KIRREL3: variants seen among roughly 807,000 people sequenced by gnomAD.
KIRREL3 encodes kirre like nephrin family adhesion molecule 3, also known as kin of IRRE-like protein 3.
Under a neutral mutation model 89.7 loss-of-function variants are expected in KIRREL3, and 36 were observed. The observed-to-expected ratio is 0.40, with a 90% CI of 0.31 to 0.53. The LOEUF is 0.53. Ranked by LOEUF, KIRREL3 falls within the 20% of genes least tolerant of loss-of-function variation. The pLI is 0.49. For missense variants in KIRREL3, 864 were observed against 1,056.6 expected (o/e 0.82, Z 2.53); for synonymous variants, 445 against 441.4 (o/e 1.01, Z -0.10).
intron 1 of KIRREL3, among the ~76,000 whole-genome samples, chr11:126,889,466 A>G (rs112191238): frequency 0.014 from 2,177 of 152,240 alleles, 51 homozygotes; most frequent in African/African-American, 0.046. Context: ...TTTTGGTTTG[A>G]TGTCCAATGA....
rs184283491 is a variant in KIRREL3 at position 126,692,935 on chromosome 11, C to T, written c.56-130023G>A. ...TTCCCATCCCTTGGATCTGAGCTGG[C>T]CTGGTGACTTGCTTTGGCCCATAGC... On this transcript the variant is annotated intron_variant, in intron 1 of 16. Coordinates refer to ENST00000525144, the MANE Select transcript of KIRREL3 (RefSeq NM_032531.4). Among the ~76,000 whole-genome samples, 600 of 152,330 alleles carry T rather than the reference C, an allele frequency of 3.9e-3. 5 individuals are homozygous for T. The highest frequency in any genetic ancestry group is 0.014 in the African/African-American group (579 of 41,574).
intron 2 of KIRREL3, among the ~76,000 whole-genome samples, chr11:126,529,621 C>A (rs1039468685): frequency 3.0e-5 from 4 of 132,596 alleles, no homozygotes; most frequent in Admixed American, 2.3e-4. Flanking sequence ...AAAAAAAAGA[C>A]CTTCCTAGAG....
At chr11:126,457,593 G>A (rs1956414078) in intron 6 of KIRREL3, among the ~76,000 whole-genome samples, 1 of 152,028 alleles carries the variant, frequency 6.6e-6, no homozygotes, top group Admixed American at 6.6e-5. Context: ...TGGGCAGAGA[G>A]ACAGAAAGAC....
chr11:126,863,621 GT>G (rs1944818886), intron 1 of KIRREL3, among the ~76,000 whole-genome samples: 1 of 47,746 alleles, frequency 2.1e-5, no homozygotes, highest in Non-Finnish European at 4.6e-5. Context: ...GTGCGTGTGT[GT>G]GTGTTTGAGT....
At position 126,923,210 on chromosome 11, in the gene KIRREL3, CTTCTTCTTCTTCT is replaced by C. The variant is rs1947489720; in HGVS notation, c.55+77232_55+77244del. Among the ~76,000 whole-genome samples, 5 of 16,260 alleles carry C rather than the reference CTTCTTCTTCTTCT, an allele frequency of 3.1e-4. 1 individual carries two copies. The highest frequency in any genetic ancestry group is 3.4e-4 in the Non-Finnish European group (3 of 8,818). 10.7% of individuals were successfully genotyped at this position (16,260 alleles called of 152,430 possible). ...TTCTCTTCTTCTTCTTCTTCTTCTT[CTTCTTCTTCTTCT>C]TCTTCTTCTTCTTCTTCTTCTTCTT... On this transcript the variant is annotated intron_variant, in intron 1 of 16. Transcript: ENST00000525144.
In KIRREL3 at chr11:126,728,766, T is replaced by A. The variant is rs556088303; in HGVS notation, c.56-165854A>T. Among the ~76,000 whole-genome samples the A allele has an allele frequency of 5.3e-4, 81 of 152,326 alleles. 2 individuals carry two copies. Among genetic ancestry groups the A allele is most frequent in the South Asian group, 2.5e-3 (12 of 4,832 alleles). ...CAGTTCAGTAAGTAACTTCGTCCCC[T>A]GGGAGGGCCCCCAGGTCCCTTCTGT... is the stretch of plus-strand genomic sequence containing the variant. On this transcript the variant is annotated intron_variant, in intron 1 of 16. Coordinates refer to ENST00000525144, the MANE Select transcript of KIRREL3 (RefSeq NM_032531.4).
chr11:126,680,735 C>CA (rs397971552), intron 1 of KIRREL3, among the ~76,000 whole-genome samples: 7,843 of 118,310 alleles, frequency 0.066, 242 homozygotes, highest in African/African-American at 0.092. Flanking sequence ...ATACTTAGAG[C>CA]AAAAAAAAAA....
chr11:126,578,932 C>T lies in KIRREL3; in HGVS notation c.56-16020G>A, dbSNP rs917336967. On this transcript the variant is annotated intron_variant, in intron 1 of 16. Transcript: ENST00000525144. This position sits in a 1 kb window ranked among gnomAD's most constrained non-coding sequence, Gnocchi z 4.9. ...CACTCTCTCACTTATCCTCACCATG[C>T]CTAGAGATGGGACTTTGTCTCCATG... 5.9e-5 allele frequency among the ~76,000 whole-genome samples: 9 copies of T among 152,130 alleles called. No homozygotes were observed. Among genetic ancestry groups the T allele is most frequent in the African/African-American group, 2.2e-4 (9 of 41,418 alleles).
At position 126,528,021 on chromosome 11, in the gene KIRREL3, G is replaced by A. The variant is rs1958818141; in HGVS notation, c.134-1334C>T. On this transcript the variant is annotated intron_variant, in intron 2 of 16. Coordinates refer to ENST00000525144, the MANE Select transcript of KIRREL3 (RefSeq NM_032531.4). The surrounding 1 kb of genome is among the most constrained non-coding windows in gnomAD (Gnocchi z 4.6). ...TTAATTATACTTCAGGGCAGAAAAA[G>A]CCCCACTTTACAACAAAGAAACCAG... Among the ~76,000 whole-genome samples, 1 of 152,176 alleles carries A rather than the reference G, an allele frequency of 6.6e-6. No homozygotes were observed. Among genetic ancestry groups the A allele is most frequent in the Non-Finnish European group, 1.5e-5 (1 of 68,032 alleles).
intron 1 of KIRREL3, among the ~76,000 whole-genome samples, chr11:126,800,746 AGGT>A (rs1565742952): frequency 6.6e-6 from 1 of 152,190 alleles, no homozygotes; most frequent in Non-Finnish European, 1.5e-5. Flanking sequence ...CCCTACAGCC[AGGT>A]GTGAACTCCA....
intron 1 of KIRREL3, among the ~76,000 whole-genome samples, chr11:126,951,672 G>T (rs1465488509): frequency 6.6e-6 from 1 of 152,184 alleles, no homozygotes; most frequent in Non-Finnish European, 1.5e-5. Context: ...ATGAGTAATT[G>T]AACTTCAAGT....
rs1422025773 is a variant in KIRREL3, at chr11:126,812,120, G to A, written c.55+188335C>T. Among the ~76,000 whole-genome samples the A allele has an allele frequency of 1.3e-5, 2 of 152,134 alleles. No individual in the cohort carries two copies. Among genetic ancestry groups the A allele is most frequent in the African/African-American group, 2.4e-5 (1 of 41,398 alleles). ...CTGATGACCAGATATAATAGATTCT[G>A]TTCATTAAGGAAACTGCTTGCCATT... On this transcript the variant is annotated intron_variant, in intron 1 of 16. Transcript: ENST00000525144. This position sits in a 1 kb window ranked among gnomAD's most constrained non-coding sequence, Gnocchi z 5.2.
chr11:126,849,099 C>T lies in KIRREL3; in HGVS notation c.55+151356G>A, dbSNP rs192648342. ...TTAATCACAGAGTGAGATAGGAGGT[C>T]GACACAAGAGGCAGGTCATAAAGAC... On this transcript the variant is annotated intron_variant, in intron 1 of 16. Transcript: ENST00000525144. 8.5e-5 allele frequency among the ~76,000 whole-genome samples: 13 copies of T among 152,176 alleles called. No individual in the cohort carries two copies. In the East Asian group the frequency reaches 2.1e-3, roughly 25 times the overall value.
At chr11:126,447,648 A>T (rs1275842279) in intron 8 of KIRREL3, among the ~76,000 whole-genome samples, 3 of 152,100 alleles carry the variant, frequency 2.0e-5, no homozygotes, top group African/African-American at 4.8e-5. Flanking sequence ...AGCCTTCTGT[A>T]GACCAAGCTT....
chr11:126,876,115 T>C lies in KIRREL3; in HGVS notation c.55+124340A>G, dbSNP rs1473850137. Among the ~76,000 whole-genome samples the C allele has an allele frequency of 6.6e-6, 1 of 152,202 alleles. No homozygotes were observed. The highest frequency in any genetic ancestry group is 1.9e-4 in the East Asian group (1 of 5,194). Reference sequence around the variant, plus strand: ...TAATGACTTCAAAGGGCAGCCGTCTTCTACTAGCTCTTCAGAACTTTCTGG... The same window carrying C: ...TAATGACTTCAAAGGGCAGCCGTCTCCTACTAGCTCTTCAGAACTTTCTGG... On this transcript the variant is annotated intron_variant, in intron 1 of 16. Transcript: ENST00000525144. The surrounding 1 kb of genome is among the most constrained non-coding windows in gnomAD (Gnocchi z 4.1).
intron 1 of KIRREL3, among the ~76,000 whole-genome samples, chr11:126,745,382 G>GAA (rs929723433): frequency 1.4e-5 from 2 of 145,910 alleles, no homozygotes; most frequent in Non-Finnish European, 3.0e-5. Flanking sequence ...TTCAACATCT[G>GAA]AAAAAAAAAG....
At position 126,541,098 on chromosome 11, in the gene KIRREL3, C is replaced by T. The variant is rs770527888; in HGVS notation, c.134-14411G>A. ...GTGCCCATCAACCCCTCTCAGAGGGCGTCAGCGTGGGCACCACCAGGAGAG... is the reference window on the plus strand; with the variant it reads ...GTGCCCATCAACCCCTCTCAGAGGGTGTCAGCGTGGGCACCACCAGGAGAG... On this transcript the variant is annotated intron_variant, in intron 2 of 16. Coordinates refer to ENST00000525144, the MANE Select transcript of KIRREL3 (RefSeq NM_032531.4). This position sits in a 1 kb window ranked among gnomAD's most constrained non-coding sequence, Gnocchi z 4.8. 2.6e-5 allele frequency among the ~76,000 whole-genome samples: 4 copies of T among 152,154 alleles called. No individual in the cohort carries two copies. The highest frequency in any genetic ancestry group is 5.9e-5 in the Non-Finnish European group (4 of 68,030).
intron 1 of KIRREL3, among the ~76,000 whole-genome samples, chr11:126,952,278 A>T (rs1780083143): frequency 6.6e-6 from 1 of 152,232 alleles, no homozygotes; most frequent in Middle Eastern, 3.4e-3. Context: ...CCCAGCTACT[A>T]GGAGGCTGAG....
At chr11:126,597,194 G>A (rs1403033665) in intron 1 of KIRREL3, among the ~76,000 whole-genome samples, 1 of 152,270 alleles carries the variant, frequency 6.6e-6, no homozygotes, top group African/African-American at 2.4e-5. Flanking sequence ...CTGTGGCAGG[G>A]GGCCCTCTCT....
Sources: gnomAD v4.1 joint callset for allele counts (sites outside exome capture counted in the v4.1 genomes callset) on GRCh38, gnomAD v4.1.1 for gene constraint, Gnocchi (gnomAD v3.1) non-coding constraint, MANE v1.5 for transcripts, NCBI Gene and HGNC (gene_info 2026-07-23, HGNC 2026-07-21) for gene names.